POLE: variants seen among roughly 807,000 people sequenced by gnomAD.
The protein encoded by POLE is DNA polymerase epsilon catalytic subunit A.
In POLE, 188 loss-of-function variants were observed where a neutral mutation model predicts 279.2. That is an observed-to-expected ratio of 0.67 (90% CI 0.60 to 0.76). POLE has a LOEUF of 0.76. Ranked by LOEUF, POLE falls within the 30% of genes least tolerant of loss-of-function variation. The pLI is 0.00. For missense variants in POLE, 2,703 were observed against 3,016.7 expected (o/e 0.90, Z 2.44); for synonymous variants, 1,214 against 1,172.5 (o/e 1.04, Z -0.72).
chr12:132,629,713 G>A (rs1383381423), intron 45 of POLE, among the ~76,000 whole-genome samples: 2 of 152,186 alleles, frequency 1.3e-5, no homozygotes, highest in African/African-American at 4.8e-5. Flanking sequence ...CTCCATATCA[G>A]CAACAGGATG....
At position 132,661,405 on chromosome 12, in the gene POLE, T is replaced by G; in HGVS notation, c.2864+122A>C. ...ACAGAGCTGGTGCAAACGGAATCAG[T>G]AAGATCACAAGAACCCAGGTCTGTT... On this transcript the variant is annotated intron_variant, in intron 24 of 48. Transcript: ENST00000320574. The surrounding 1 kb of genome is among the most constrained non-coding windows in gnomAD (Gnocchi z 4.1). 1 of 1,146,120 alleles carries G rather than the reference T, an allele frequency of 8.7e-7. No individual in the cohort carries two copies. The highest frequency in any genetic ancestry group is 1.2e-6 in the Non-Finnish European group (1 of 800,378). The allele number at this position is 1,146,120 out of a possible 1,614,324, so 71.0% of individuals were successfully genotyped here.
At chr12:132,660,230 G>A in intron 25 of POLE, 1 of 153,692 alleles carries the variant, frequency 6.5e-6, no homozygotes, top group Non-Finnish European at 1.4e-5. Context: ...AGCTGGAGCT[G>A]TGCTTTGCAC....
At chr12:132,627,104 A>G (rs771417693) in intron 45 of POLE, among the ~76,000 whole-genome samples, 6 of 152,194 alleles carry the variant, frequency 3.9e-5, no homozygotes, top group Non-Finnish European at 8.8e-5. Flanking sequence ...AACACAGTGA[A>G]ACCCCATTTC....
At chr12:132,638,253 C>T (rs986219474) in intron 40 of POLE, 114 bp from the exon 41 acceptor site, 11 of 852,118 alleles carry the variant, frequency 1.3e-5, no homozygotes, top group Non-Finnish European at 1.7e-5. Flanking sequence ...GAAAAGCCTC[C>T]GAGATACACT....
chr12:132,663,991 G>GC lies in POLE; in HGVS notation c.2706+12dup, dbSNP rs1555226409. On this transcript the variant is annotated intron_variant, in intron 23 of 48. Coordinates refer to ENST00000320574, the MANE Select transcript of POLE (RefSeq NM_006231.4). ...GCCAGCCAGAGCTTCAGGACCAGAG[G>GC]CCCCAGACTCACCTTGACCATGATG... The GC allele has an allele frequency of 6.2e-7, 1 of 1,613,580 alleles. No individual in the cohort carries two copies. The highest frequency in any genetic ancestry group is 8.5e-7 in the Non-Finnish European group (1 of 1,179,968).
intron 45 of POLE, among the ~76,000 whole-genome samples, chr12:132,629,377 T>C (rs998755169): frequency 4.6e-5 from 7 of 152,266 alleles, no homozygotes; most frequent in African/African-American, 1.2e-4. Context: ...CTAGATGGCA[T>C]CTTCTTCCAA....
At chr12:132,673,359 G>T in intron 13 of POLE, 82 bp from the exon 14 acceptor site, 1 of 1,171,512 alleles carries the variant, frequency 8.5e-7, no homozygotes, top group Non-Finnish European at 1.3e-6. Context: ...GCAAAGCCTG[G>T]CCTGACCAGC....
In POLE at chr12:132,675,040, CGTGAGGCTTGTCCT is replaced by C. The variant is rs752178958; in HGVS notation, c.1226+344_1226+357del. ...GCTCATATGGAATCTGTGGTTGTCC[CGTGAGGCTTGTCCT>C]GTGAGGCAGCCGGGCTGCCACATCC... On this transcript the variant is annotated intron_variant, in intron 12 of 48. Transcript: ENST00000320574. The surrounding 1 kb of genome is among the most constrained non-coding windows in gnomAD (Gnocchi z 4.3). Among the ~76,000 whole-genome samples, 12 of 152,202 alleles carry C rather than the reference CGTGAGGCTTGTCCT, an allele frequency of 7.9e-5. No individual in the cohort carries two copies. The highest frequency in any genetic ancestry group is 1.2e-4 in the Non-Finnish European group (8 of 68,036).
chr12:132,681,766 T>A (rs2136036850), intron 1 of POLE, among the ~76,000 whole-genome samples: 1 of 152,314 alleles, frequency 6.6e-6, no homozygotes, highest in South Asian at 2.1e-4. Flanking sequence ...ATAACCAGAA[T>A]ACTAACAAAA....
intron 1 of POLE, among the ~76,000 whole-genome samples, chr12:132,683,795 G>A (rs11147003): frequency 0.47 from 71,008 of 152,108 alleles, 17,804 homozygotes; most frequent in Non-Finnish European, 0.56. Context: ...TGCTCACTGG[G>A]ACCATATTTC....
At chr12:132,649,619 G>C in intron 30 of POLE, 58 bp downstream of exon 30, 1 of 1,602,616 alleles carries the variant, frequency 6.2e-7, no homozygotes, top group South Asian at 1.1e-5. Flanking sequence ...CGCATCTCGG[G>C]CTCCCTGGGC....
In POLE at chr12:132,667,488, C is replaced by G. The variant is rs2042822589; in HGVS notation, c.2319+15G>C. On this transcript the variant is annotated intron_variant, in intron 20 of 48. Coordinates refer to ENST00000320574, the MANE Select transcript of POLE (RefSeq NM_006231.4). ...CCCTCACAGAGGCCAAAGCTTGCAG[C>G]CCCTCAGAGCTCACCTTGTGGAGCC... 6.2e-7 allele frequency: 1 copy of G among 1,612,816 alleles called. No individual in the cohort carries two copies. Among genetic ancestry groups the G allele is most frequent in the South Asian group, 1.1e-5 (1 of 91,060 alleles).
In POLE at chr12:132,625,185, C is replaced by T. The variant is rs183414992; in HGVS notation, c.6658-191G>A. ...CCACGGTGCCAGCGCCTTCCCTACACCCACCCTCGCTGTGGATGTTCCACC... is the reference window on the plus strand; with the variant it reads ...CCACGGTGCCAGCGCCTTCCCTACATCCACCCTCGCTGTGGATGTTCCACC... On this transcript the variant is annotated intron_variant, in intron 47 of 48. Coordinates refer to ENST00000320574, the MANE Select transcript of POLE (RefSeq NM_006231.4). 2.7e-4 allele frequency: 183 copies of T among 686,722 alleles called. No individual in the cohort carries two copies. The African/African-American group carries it at 3.0e-3, about 11-fold the overall frequency. 42.5% of individuals were successfully genotyped at this position (686,722 alleles called of 1,614,324 possible).
At chr12:132,663,446 AAAC>A (rs1233388026) in intron 23 of POLE, among the ~76,000 whole-genome samples, 2 of 152,250 alleles carry the variant, frequency 1.3e-5, no homozygotes, top group East Asian at 3.8e-4. Flanking sequence ...TAGTCACGAG[AAAC>A]AACAGACAAC....
intron 45 of POLE, among the ~76,000 whole-genome samples, chr12:132,631,340 G>T (rs2138453875): frequency 6.6e-6 from 1 of 152,278 alleles, no homozygotes; most frequent in South Asian, 2.1e-4. Context: ...CCTGTATCCT[G>T]CTGATGATGA....
In POLE at chr12:132,643,231, A is replaced by G. The variant is rs570385857; in HGVS notation, c.4544T>C (p.Leu1515Pro). The G allele has an allele frequency of 1.2e-6, 2 of 1,613,512 alleles. No homozygotes were observed. The highest frequency in any genetic ancestry group is 2.2e-5 in the East Asian group (1 of 44,868). ...PSQRRASVFV[L>P]DTVRSNQMPS... ...GGAGGGCCCAGGACTCACAGTGTCC[A>G]GCACAAAGACGGATGCCCTGCGCTG... Residue 1515 changes from leucine to proline, a missense_variant, in exon 35 of 49, where the codon CTG (leucine) becomes CCG (proline). Coordinates refer to ENST00000320574, the MANE Select transcript of POLE (RefSeq NM_006231.4).
Position 132,634,169 on chromosome 12 carries a change from C to T in POLE, c.6004+17G>A. The T allele has an allele frequency of 6.2e-7, 1 of 1,600,724 alleles. No homozygotes were observed. The highest frequency in any genetic ancestry group is 8.5e-7 in the Non-Finnish European group (1 of 1,172,176). ...TCCCTTCAGTGGGGGCTGCGCAGCC[C>T]TGGGCTCTGGGCTTACCTGAAACAA... On this transcript the variant is annotated intron_variant, in intron 43 of 48. Transcript: ENST00000320574. The surrounding 1 kb of genome is among the most constrained non-coding windows in gnomAD (Gnocchi z 4.0).
chr12:132,658,193 T>C, intron 26 of POLE: 1 of 485,814 alleles, frequency 2.1e-6, no homozygotes, highest in South Asian at 2.2e-5. Flanking sequence ...CGTAAACATG[T>C]CTACATGTTC....
At chr12:132,681,061 C>T in intron 2 of POLE, 77 bp downstream of exon 2, 4 of 1,537,664 alleles carry the variant, frequency 2.6e-6, no homozygotes, top group Non-Finnish European at 3.5e-6. Context: ...GTGTCCCCCA[C>T]TCTTTAGATA....
Sources: allele counts gnomAD v4.1 joint callset (sites outside exome capture counted in the v4.1 genomes callset), GRCh38; gene constraint gnomAD v4.1.1; non-coding constraint Gnocchi (gnomAD v3.1); transcripts MANE v1.5; gene names NCBI Gene and HGNC (gene_info 2026-07-23, HGNC 2026-07-21).